RBFOX1: variants seen among roughly 807,000 people sequenced by gnomAD.
The protein encoded by RBFOX1 is RNA binding protein fox-1 homolog 1.
In RBFOX1, 8 loss-of-function variants were observed where a neutral mutation model predicts 57.7. That is an observed-to-expected ratio of 0.14 (90% CI 0.08 to 0.25). The LOEUF (loss-of-function observed/expected upper bound fraction) is 0.25, where lower values mean the gene tolerates loss of function less well. RBFOX1 is among the 10% of genes least tolerant of loss of function. The probability of loss-of-function intolerance (pLI) is 1.00; values close to 1 mark genes in which losing one functional copy is unlikely to be tolerated. For synonymous variants in RBFOX1, 326 were observed against 222.4 expected, an observed-to-expected ratio of 1.47 and a Z score of -4.15; for missense variants, 611 against 548.5, an observed-to-expected ratio of 1.11 and a Z score of -1.14.
intron 1 of RBFOX1, among the ~76,000 whole-genome samples, chr16:6,253,699 GTATA>G (rs373756943): frequency 5.5e-4 from 79 of 142,414 alleles, no homozygotes; most frequent in African/African-American, 1.5e-3. Context: ...GTGTGTGTGT[GTATA>G]TATATATATA....
intron 2 of RBFOX1, among the ~76,000 whole-genome samples, chr16:6,638,081 A>C (rs1263026739): frequency 6.6e-6 from 1 of 152,120 alleles, no homozygotes; most frequent in Non-Finnish European, 1.5e-5. Context: ...CTCCCAACAA[A>C]ATATCTGTGT....
At chr16:7,659,460 C>G (rs569550992) in intron 12 of RBFOX1, among the ~76,000 whole-genome samples, 2 of 152,266 alleles carry the variant, frequency 1.3e-5, no homozygotes, top group South Asian at 2.1e-4. Context: ...CAAAAGTCAT[C>G]ATTACCCATT....
At chr16:6,094,440 G>A (rs1282930151) in intron 1 of RBFOX1, among the ~76,000 whole-genome samples, 1 of 152,158 alleles carries the variant, frequency 6.6e-6, no homozygotes, top group Non-Finnish European at 1.5e-5. Context: ...ACAGAGAAAG[G>A]CAGAATTAAT....
chr16:6,364,487 C>T (rs2089206360), intron 2 of RBFOX1, among the ~76,000 whole-genome samples: 2 of 152,180 alleles, frequency 1.3e-5, no homozygotes, highest in South Asian at 2.1e-4. Flanking sequence ...AAGCAGACCT[C>T]ATCTGTTCTC....
chr16:6,973,477 C>G (rs1354326586), intron 3 of RBFOX1, among the ~76,000 whole-genome samples: 2 of 152,184 alleles, frequency 1.3e-5, no homozygotes, highest in Non-Finnish European at 2.9e-5. Context: ...GTGGACCCAA[C>G]TAGGAATTTT....
chr16:7,105,246 G>A (rs145959265), intron 4 of RBFOX1, among the ~76,000 whole-genome samples: 218 of 151,608 alleles, frequency 1.4e-3, no homozygotes, highest in African/African-American at 5.1e-3. Context: ...GCAACCTATG[G>A]AGGCCAATCC....
intron 4 of RBFOX1, among the ~76,000 whole-genome samples, chr16:7,356,624 C>A (rs2097218851): frequency 6.6e-6 from 1 of 152,200 alleles, no homozygotes; most frequent in Non-Finnish European, 1.5e-5. Context: ...AAGTTTTAAG[C>A]AGGGCAGCAG....
At chr16:7,029,086 AC>A (rs2041969125) in intron 3 of RBFOX1, among the ~76,000 whole-genome samples, 1 of 8,506 alleles carries the variant, frequency 1.2e-4, no homozygotes, top group Non-Finnish European at 1.9e-4. Flanking sequence ...ATATATACAC[AC>A]ACACACACAC....
At chr16:7,362,194 T>C (rs1372641015) in intron 4 of RBFOX1, among the ~76,000 whole-genome samples, 1 of 151,734 alleles carries the variant, frequency 6.6e-6, no homozygotes, top group Non-Finnish European at 1.5e-5. Context: ...TGTGTGTTTG[T>C]GTATGATTGT....
At chr16:6,023,762 G>T (rs1263616988) in intron 1 of RBFOX1, among the ~76,000 whole-genome samples, 1 of 152,150 alleles carries the variant, frequency 6.6e-6, no homozygotes, top group African/African-American at 2.4e-5. Context: ...CCTTTAATCT[G>T]TCGCTTTCAC....
intron 3 of RBFOX1, among the ~76,000 whole-genome samples, chr16:6,780,021 A>T (rs1345595934): frequency 2.2e-5 from 1 of 46,196 alleles, no homozygotes; most frequent in Non-Finnish European, 3.3e-5. Flanking sequence ...ATATATTTAT[A>T]TATTTATATA....
intron 4 of RBFOX1, among the ~76,000 whole-genome samples, chr16:7,242,956 C>G (rs1400323299): frequency 2.0e-5 from 3 of 152,172 alleles, no homozygotes; most frequent in African/African-American, 7.2e-5. Context: ...CCTTCTTTAT[C>G]TTCTTCCTTC....
chr16:6,673,739 G>A (rs937246806), intron 3 of RBFOX1, among the ~76,000 whole-genome samples: 2 of 152,190 alleles, frequency 1.3e-5, no homozygotes, highest in Non-Finnish European at 2.9e-5. Context: ...ACAAAGGCAA[G>A]GACAGAAATG....
chr16:5,288,005 G>C (rs1238299282), intron 1 of RBFOX1, among the ~76,000 whole-genome samples: 2 of 152,180 alleles, frequency 1.3e-5, no homozygotes, highest in African/African-American at 2.4e-5. Context: ...CCCAGGCAAT[G>C]GGGGCCTGAC....
At chr16:7,146,403 A>C (rs1483504457) in intron 4 of RBFOX1, among the ~76,000 whole-genome samples, 1 of 152,202 alleles carries the variant, frequency 6.6e-6, no homozygotes, top group Non-Finnish European at 1.5e-5. Flanking sequence ...TTGCTGAACC[A>C]GCTGAACCCC....
At chr16:6,578,174 T>G (rs528815373) in intron 2 of RBFOX1, among the ~76,000 whole-genome samples, 1 of 152,352 alleles carries the variant, frequency 6.6e-6, no homozygotes, top group African/African-American at 2.4e-5. Context: ...AGACATCAGA[T>G]AGCACTTTAC....
At chr16:5,339,971 C>A (rs1016217271) in intron 1 of RBFOX1, among the ~76,000 whole-genome samples, 7 of 152,126 alleles carry the variant, frequency 4.6e-5, no homozygotes, top group African/African-American at 1.7e-4. Flanking sequence ...CCTTGACATT[C>A]CAAGATGTTG....
At chr16:6,691,361 C>G (rs561439749) in intron 3 of RBFOX1, among the ~76,000 whole-genome samples, 2 of 152,270 alleles carry the variant, frequency 1.3e-5, no homozygotes, top group African/African-American at 4.8e-5. Flanking sequence ...TGCCATCATT[C>G]TTCACTCTTC....
chr16:5,684,114 G>A (rs1226899964), intron 3 of RBFOX1, among the ~76,000 whole-genome samples: 2 of 151,978 alleles, frequency 1.3e-5, no homozygotes, highest in Non-Finnish European at 2.9e-5. Context: ...TTTCTTTTTT[G>A]TGTGAAAAGG....
Sources: allele counts gnomAD v4.1 joint callset (sites outside exome capture counted in the v4.1 genomes callset), GRCh38; gene constraint gnomAD v4.1.1; transcripts MANE v1.5; gene names NCBI Gene and HGNC (gene_info 2026-07-23, HGNC 2026-07-21).